TAOK3: variants seen among roughly 807,000 people sequenced by gnomAD.
TAOK3 encodes TAO kinase 3, also known as serine/threonine-protein kinase TAO3.
TAOK3 carries 40 observed loss-of-function variants against 120.4 expected under a neutral mutation model. That is an observed-to-expected ratio of 0.33 (90% confidence interval 0.26 to 0.43). The LOEUF (loss-of-function observed/expected upper bound fraction) is 0.43. TAOK3 is among the 20% of genes least tolerant of loss of function. The pLI is 1.00. For synonymous variants in TAOK3, 355 were observed against 387.5 expected (o/e 0.92, Z 0.99); for missense variants, 821 against 1,112.1 (o/e 0.74, Z 3.72).
At chr12:118,272,193 T>G (rs952574002) in intron 1 of TAOK3, among the ~76,000 whole-genome samples, 15 of 150,916 alleles carry the variant, frequency 9.9e-5, no homozygotes, top group African/African-American at 2.4e-4. Context: ...CTTGGGAGGC[T>G]GAGGCATGAG....
intron 1 of TAOK3, among the ~76,000 whole-genome samples, chr12:118,304,624 A>T (rs538351896): frequency 3.3e-5 from 5 of 152,342 alleles, no homozygotes; most frequent in African/African-American, 1.2e-4. Flanking sequence ...GAAGCCACTG[A>T]TACATATTAT....
intron 11 of TAOK3, among the ~76,000 whole-genome samples, chr12:118,210,783 G>A (rs759162849): frequency 7.1e-6 from 1 of 141,824 alleles, no homozygotes; most frequent in South Asian, 2.2e-4. Context: ...CTGTTGCCCC[G>A]GCTGGAGAGC....
At chr12:118,166,691 C>T (rs2035605127) in intron 17 of TAOK3, among the ~76,000 whole-genome samples, 1 of 151,970 alleles carries the variant, frequency 6.6e-6, no homozygotes, top group Non-Finnish European at 1.5e-5. Context: ...CACACTAGAG[C>T]CACATCATGT....
intron 13 of TAOK3, among the ~76,000 whole-genome samples, chr12:118,194,704 C>G (rs2037619262): frequency 7.0e-6 from 1 of 143,402 alleles, no homozygotes; most frequent in South Asian, 2.2e-4. Context: ...CATTGACTAA[C>G]AGGAAGGGTC....
In TAOK3 at chr12:118,300,240, C is replaced by T. The variant is rs561718457; in HGVS notation, c.-193-33481G>A. ...TGAAAAACAACAATATCCCCATTTA[C>T]TATTTAGCAAAAATTGAAAGAGTAG... On this transcript the variant is annotated intron_variant, in intron 1 of 20. Coordinates refer to ENST00000392533, the MANE Select transcript of TAOK3 (RefSeq NM_016281.4). 4.6e-5 allele frequency among the ~76,000 whole-genome samples: 7 copies of T among 152,286 alleles called. No homozygotes were observed. The South Asian group carries it at 1.4e-3, about 32-fold the overall frequency.
At chr12:118,345,334 C>A (rs2141164711) in intron 1 of TAOK3, among the ~76,000 whole-genome samples, 1 of 152,220 alleles carries the variant, frequency 6.6e-6, no homozygotes, top group African/African-American at 2.4e-5. Context: ...TTACTTTGGA[C>A]AAATTCAACA....
intron 4 of TAOK3, among the ~76,000 whole-genome samples, chr12:118,244,482 A>T (rs75714380): frequency 5.9e-5 from 9 of 151,328 alleles, no homozygotes; most frequent in South Asian, 2.1e-4. Flanking sequence ...GGAAAAAAAA[A>T]TTGTTCTAAA....
intron 2 of TAOK3, chr12:118,256,056 C>T (rs980365071): frequency 2.6e-5 from 4 of 151,342 alleles, no homozygotes; most frequent in Non-Finnish European, 5.9e-5. Flanking sequence ...TGCACTCCAG[C>T]CTGGGCAATG....
chr12:118,210,249 T>C lies in TAOK3; in HGVS notation c.819+2665A>G, dbSNP rs140540430. On this transcript the variant is annotated intron_variant, in intron 11 of 20. Coordinates refer to ENST00000392533, the MANE Select transcript of TAOK3 (RefSeq NM_016281.4). ...TCTCTATATTGGCTAGATTCTGTTA[T>C]TGAGCAATTTTTAAAAGGAAAGCGC... is the stretch of plus-strand genomic sequence containing the variant. Among the ~76,000 whole-genome samples, 56 of 152,280 alleles carry C rather than the reference T, an allele frequency of 3.7e-4. No individual in the cohort carries two copies. In the East Asian group the frequency reaches 9.7e-3, roughly 26 times the overall value.
At chr12:118,369,264 G>C (rs1176384527) in intron 1 of TAOK3, among the ~76,000 whole-genome samples, 2 of 152,152 alleles carry the variant, frequency 1.3e-5, no homozygotes, top group East Asian at 3.9e-4. Context: ...TCGTAGTATA[G>C]TTTTAGTTTT....
At position 118,372,690 on chromosome 12, in the gene TAOK3, G is replaced by C. The variant is rs1413152964; in HGVS notation, c.-236C>G. ...CACCCCCGGGCCCGGCGCCGCCGCC[G>C]CCGCTTCCTCTCCCACACTTGTTCC... On this transcript the variant is annotated 5_prime_UTR_variant, in exon 1 of 21. Transcript: ENST00000392533. The surrounding 1 kb of genome is among the most constrained non-coding windows in gnomAD (Gnocchi z 4.6). The C allele has an allele frequency of 1.3e-5, 2 of 157,872 alleles. No homozygotes were observed. The highest frequency in any genetic ancestry group is 1.3e-4 in the Admixed American group (2 of 15,320). The allele number at this position is 157,872 out of a possible 1,614,324, so 9.8% of individuals were successfully genotyped here. A position where few individuals can be genotyped will look rare whatever the true frequency, so the allele number is the denominator to read the frequency against.
intron 1 of TAOK3, among the ~76,000 whole-genome samples, chr12:118,277,345 T>TAA: frequency 6.6e-6 from 1 of 152,150 alleles, no homozygotes; most frequent in South Asian, 2.1e-4. Flanking sequence ...TTCTCATTTG[T>TAA]CTAAGACAAT....
chr12:118,235,658 C>G lies in TAOK3; in HGVS notation c.451G>C (p.Gly151Arg). The G allele has an allele frequency of 6.2e-7, 1 of 1,609,208 alleles. No individual in the cohort carries two copies. Among genetic ancestry groups the G allele is most frequent in the Non-Finnish European group, 8.5e-7 (1 of 1,177,618 alleles). ...CCTGGCTCTGTTAGAAGAATATTTC[C>G]TGCTTTAATATCCCTATAGGAAAAA... ...HALIHRDIKA[G>R]NILLTEPGQV... Residue 151 changes from glycine (G) to arginine (R), a missense_variant, in exon 8 of 21, where the codon GGA (glycine) becomes CGA (arginine). Coordinates refer to ENST00000392533, the MANE Select transcript of TAOK3 (RefSeq NM_016281.4).
At chr12:118,318,654 T>C (rs1055634687) in intron 1 of TAOK3, among the ~76,000 whole-genome samples, 6 of 152,184 alleles carry the variant, frequency 3.9e-5, no homozygotes, top group Admixed American at 3.9e-4. Context: ...GCACAGTGAT[T>C]ATGGAAAGCA....
intron 1 of TAOK3, among the ~76,000 whole-genome samples, chr12:118,319,068 G>A (rs2043592451): frequency 6.6e-6 from 1 of 152,202 alleles, no homozygotes; most frequent in African/African-American, 2.4e-5. Flanking sequence ...CCAGGGGCTG[G>A]AGAGGTGAGG....
At chr12:118,168,184 G>A (rs1277441) in intron 17 of TAOK3, among the ~76,000 whole-genome samples, 104,557 of 152,096 alleles carry the variant, frequency 0.69, 36,024 homozygotes, top group South Asian at 0.72. Flanking sequence ...AAAAGGTGAA[G>A]ATGGGCTGAT....
At chr12:118,337,621 T>G (rs770619907) in intron 1 of TAOK3, among the ~76,000 whole-genome samples, 5 of 152,190 alleles carry the variant, frequency 3.3e-5, no homozygotes, top group Non-Finnish European at 5.9e-5. Flanking sequence ...CTCAGTTAAA[T>G]CGTCAGAGAA....
At chr12:118,176,229 C>T (rs2036315795) in intron 16 of TAOK3, among the ~76,000 whole-genome samples, 1 of 152,048 alleles carries the variant, frequency 6.6e-6, no homozygotes, top group Non-Finnish European at 1.5e-5. Context: ...GTAGGGAGAA[C>T]ATCTTGGTGG....
At chr12:118,318,006 C>T (rs2043541481) in intron 1 of TAOK3, among the ~76,000 whole-genome samples, 2 of 151,990 alleles carry the variant, frequency 1.3e-5, no homozygotes. Context: ...GGTGCCAAGA[C>T]AACAGGGAAA....
Sources: allele counts gnomAD v4.1 joint callset (sites outside exome capture counted in the v4.1 genomes callset), GRCh38; gene constraint gnomAD v4.1.1; non-coding constraint Gnocchi (gnomAD v3.1); transcripts MANE v1.5; gene names NCBI Gene and HGNC (gene_info 2026-07-23, HGNC 2026-07-21).